The following DCC variants were observed in gnomAD, a reference collection of about 807,000 sequenced individuals.
The protein encoded by DCC is netrin receptor DCC.
DCC carries 58 observed loss-of-function variants against 172.5 expected under a neutral mutation model. That is an observed-to-expected ratio of 0.34 (90% CI 0.27 to 0.42). DCC has a LOEUF of 0.42. DCC is among the 10% of genes least tolerant of loss of function. The probability of loss-of-function intolerance (pLI) is 1.00; values close to 1 mark genes in which losing one functional copy is unlikely to be tolerated. For synonymous variants in DCC, 709 were observed against 644.5 expected (o/e 1.10, Z -1.52); for missense variants, 1,740 against 1,791.0 (o/e 0.97, Z 0.51).
chr18:53,076,716 A>C (rs1267420008), intron 7 of DCC, among the ~76,000 whole-genome samples: 1 of 152,200 alleles, frequency 6.6e-6, no homozygotes, highest in Admixed American at 6.5e-5. Flanking sequence ...TGTTTATTTC[A>C]GTCAAGATGA....
intron 1 of DCC, among the ~76,000 whole-genome samples, chr18:52,579,296 T>C (rs1262337076): frequency 6.6e-6 from 1 of 152,194 alleles, no homozygotes; most frequent in African/African-American, 2.4e-5. Flanking sequence ...GATAAATATA[T>C]ACAAAGTATT....
chr18:52,798,571 C>A (rs967073215), intron 2 of DCC, among the ~76,000 whole-genome samples: 1 of 150,924 alleles, frequency 6.6e-6, no homozygotes, highest in African/African-American at 2.4e-5. Context: ...AATCCAAATA[C>A]TTTCTGAGTT....
chr18:52,689,515 G>A (rs1427720525), intron 1 of DCC, among the ~76,000 whole-genome samples: 2 of 152,120 alleles, frequency 1.3e-5, no homozygotes, highest in Non-Finnish European at 2.9e-5. Flanking sequence ...TTCCTGCATA[G>A]ACTGTCAGCT....
rs1163920763 is a variant in DCC, at chr18:53,430,190, TA to T, written c.3164-4952del. ...AGAATTATTTTCAGAGAACAAATTT[TA>T]AGATCAAGAAGATATCTCAGTGCTC... On this transcript the variant is annotated intron_variant, in intron 21 of 28. Transcript: ENST00000442544. Among the ~76,000 whole-genome samples the T allele has an allele frequency of 7.9e-5, 12 of 152,254 alleles. No homozygotes were observed. The East Asian group carries it at 2.1e-3, about 27-fold the overall frequency.
intron 2 of DCC, among the ~76,000 whole-genome samples, chr18:52,801,092 C>G (rs866308692): frequency 2.0e-5 from 3 of 152,148 alleles, no homozygotes; most frequent in African/African-American, 7.2e-5. Context: ...CAAGGTCTGT[C>G]TCTTGAGTCC....
intron 5 of DCC, among the ~76,000 whole-genome samples, chr18:52,933,895 A>C (rs1286933049): frequency 6.6e-6 from 1 of 152,042 alleles, no homozygotes; most frequent in Non-Finnish European, 1.5e-5. Flanking sequence ...TTACTTTATC[A>C]TAGGATTTGG....
chr18:52,995,053 T>C (rs1359754021), intron 5 of DCC, among the ~76,000 whole-genome samples: 1 of 152,158 alleles, frequency 6.6e-6, no homozygotes, highest in Non-Finnish European at 1.5e-5. Context: ...GTTAAAGCAG[T>C]GCCTAAATTA....
At chr18:53,422,681 A>T (rs1910696817) in intron 21 of DCC, among the ~76,000 whole-genome samples, 1 of 152,166 alleles carries the variant, frequency 6.6e-6, no homozygotes, top group Non-Finnish European at 1.5e-5. Flanking sequence ...AATTTCAGGG[A>T]AATAGGGTTT....
chr18:53,330,313 C>T (rs1378306271), intron 14 of DCC, among the ~76,000 whole-genome samples: 2 of 152,112 alleles, frequency 1.3e-5, no homozygotes, highest in Non-Finnish European at 2.9e-5. Flanking sequence ...ACTTGTCATC[C>T]AAGCCAAAAG....
intron 15 of DCC, among the ~76,000 whole-genome samples, chr18:53,353,856 G>A (rs2057842675): frequency 6.6e-6 from 1 of 151,988 alleles, no homozygotes; most frequent in African/African-American, 2.4e-5. Flanking sequence ...TGCCATGTTG[G>A]TGTGCTGCAC....
chr18:52,492,100 A>C (rs1033765226), intron 1 of DCC, among the ~76,000 whole-genome samples: 2 of 152,024 alleles, frequency 1.3e-5, no homozygotes, highest in African/African-American at 2.4e-5. Context: ...AAGTAATTTC[A>C]CAAATGAGAG....
chr18:53,059,675 C>T (rs1267393398), intron 5 of DCC, among the ~76,000 whole-genome samples: 1 of 152,102 alleles, frequency 6.6e-6, no homozygotes, highest in African/African-American at 2.4e-5. Flanking sequence ...ATTCTTCACT[C>T]TTTATTTTTT....
At chr18:52,494,224 T>C (rs1187395327) in intron 1 of DCC, among the ~76,000 whole-genome samples, 1 of 151,816 alleles carries the variant, frequency 6.6e-6, no homozygotes, top group Non-Finnish European at 1.5e-5. Flanking sequence ...TTCTTGGTTT[T>C]AGATTTTAGC....
intron 7 of DCC, among the ~76,000 whole-genome samples, chr18:53,146,858 AGT>A (rs1272149721): frequency 6.6e-6 from 1 of 152,222 alleles, no homozygotes; most frequent in Non-Finnish European, 1.5e-5. Context: ...GCTGTGTTAT[AGT>A]TTGAATTAAT....
intron 1 of DCC, among the ~76,000 whole-genome samples, chr18:52,590,152 A>G (rs2033767781): frequency 1.1e-5 from 1 of 93,102 alleles, no homozygotes; most frequent in Non-Finnish European, 2.3e-5. Context: ...GTGCCTTGGT[A>G]TAAATGGTGT....
chr18:53,420,978 T>C (rs1206470803), intron 21 of DCC, among the ~76,000 whole-genome samples: 1 of 152,144 alleles, frequency 6.6e-6, no homozygotes, highest in East Asian at 1.9e-4. Context: ...CTACTGTAAA[T>C]GGTTACTATA....
intron 3 of DCC, among the ~76,000 whole-genome samples, chr18:52,922,381 A>G (rs1212382454): frequency 1.3e-5 from 2 of 152,106 alleles, no homozygotes; most frequent in Non-Finnish European, 2.9e-5. Flanking sequence ...ACTAAAGATA[A>G]TGTCAAATAT....
At chr18:52,659,577 A>G (rs985631069) in intron 1 of DCC, among the ~76,000 whole-genome samples, 3 of 152,226 alleles carry the variant, frequency 2.0e-5, no homozygotes, top group African/African-American at 7.2e-5. Flanking sequence ...AACCAAATGA[A>G]CCAGGCCAAA....
chr18:52,597,861 G>A (rs1001958714), intron 1 of DCC, among the ~76,000 whole-genome samples: 4 of 152,164 alleles, frequency 2.6e-5, no homozygotes, highest in Non-Finnish European at 5.9e-5. Flanking sequence ...TCATTTGCAA[G>A]GTAGAGAACA....
Sources: gnomAD v4.1 joint callset for allele counts (sites outside exome capture counted in the v4.1 genomes callset) on GRCh38, gnomAD v4.1.1 for gene constraint, MANE v1.5 for transcripts, NCBI Gene and HGNC (gene_info 2026-07-23, HGNC 2026-07-21) for gene names.